The following PARD3B variants were observed in gnomAD, a reference collection of about 807,000 sequenced individuals.
PARD3B encodes partitioning defective 3 homolog B.
Under a neutral mutation model 130.2 loss-of-function variants are expected in PARD3B, and 103 were observed. The ratio of observed to expected loss-of-function variants is 0.79; its 90% CI spans 0.67 to 0.93. The LOEUF is 0.93. Among genes scored for constraint, PARD3B ranks in the 40% least tolerant of loss-of-function variants. PARD3B has a pLI of 0.00. For missense variants in PARD3B, 1,609 were observed against 1,499.2 expected (o/e 1.07, Z -1.21); for synonymous variants, 583 against 553.2 (o/e 1.05, Z -0.76).
At chr2:205,109,650 C>CTTTTTT (rs35545106) in intron 5 of PARD3B, among the ~76,000 whole-genome samples, 1 of 69,318 alleles carries the variant, frequency 1.4e-5, no homozygotes, top group Admixed American at 1.7e-4. Flanking sequence ...AATACCTAAT[C>CTTTTTT]TTTTTTTTTT....
intron 20 of PARD3B, among the ~76,000 whole-genome samples, chr2:205,466,513 A>C (rs2048627602): frequency 6.6e-6 from 1 of 152,192 alleles, no homozygotes; most frequent in African/African-American, 2.4e-5. Context: ...AATAAGCATG[A>C]ATTTGAATTT....
Position 205,616,029 on chromosome 2 carries a change from G to T in PARD3B, c.*216G>T. ...AAATCAGAAGGAAGACGAAAGATGG[G>T]GCTATAAAAACAAAACTACCTGATA... On this transcript the variant is annotated 3_prime_UTR_variant, in exon 23 of 23. Coordinates refer to ENST00000406610, the MANE Select transcript of PARD3B (RefSeq NM_001302769.2). 1.8e-6 allele frequency: 1 copy of T among 545,840 alleles called. No homozygotes were observed. The highest frequency in any genetic ancestry group is 1.9e-5 in the African/African-American group (1 of 52,746). 33.8% of individuals were successfully genotyped at this position (545,840 alleles called of 1,614,324 possible).
intron 2 of PARD3B, among the ~76,000 whole-genome samples, chr2:204,776,797 C>A (rs868518196): frequency 6.6e-6 from 1 of 151,826 alleles, no homozygotes; most frequent in African/African-American, 2.4e-5. Context: ...TCTTCTCTTA[C>A]CTCCACCTAA....
At chr2:204,893,523 G>T (rs755490952) in intron 2 of PARD3B, among the ~76,000 whole-genome samples, 9 of 152,104 alleles carry the variant, frequency 5.9e-5, no homozygotes, top group Non-Finnish European at 1.0e-4. Flanking sequence ...CTGTCCAAAA[G>T]AAATTGCATG....
chr2:204,584,199 T>C (rs2032717771), intron 1 of PARD3B, among the ~76,000 whole-genome samples: 1 of 152,108 alleles, frequency 6.6e-6, no homozygotes, highest in African/African-American at 2.4e-5. Context: ...GAGACTCCAA[T>C]GTGATGGGGA....
At chr2:205,243,806 GTAA>G (rs1318002478) in intron 15 of PARD3B, among the ~76,000 whole-genome samples, 2 of 152,148 alleles carry the variant, frequency 1.3e-5, no homozygotes, top group Non-Finnish European at 2.9e-5. Flanking sequence ...TATAAGGATA[GTAA>G]TAATAATACT....
At chr2:204,760,848 A>G (rs932722771) in intron 2 of PARD3B, among the ~76,000 whole-genome samples, 1 of 152,188 alleles carries the variant, frequency 6.6e-6, no homozygotes. Context: ...AGTACTTTCA[A>G]CATGGAATTG....
At chr2:204,589,103 T>C (rs2032963362) in intron 1 of PARD3B, among the ~76,000 whole-genome samples, 1 of 152,164 alleles carries the variant, frequency 6.6e-6, no homozygotes. Context: ...TGGTGGAGGC[T>C]TAGGACAGTA....
At chr2:205,156,308 T>A (rs575957200) in intron 10 of PARD3B, among the ~76,000 whole-genome samples, 198 of 150,776 alleles carry the variant, frequency 1.3e-3, no homozygotes, top group South Asian at 4.6e-3. Flanking sequence ...ATATACCTAA[T>A]GCTAAATGAC....
chr2:204,977,683 G>A (rs374630700), intron 3 of PARD3B, among the ~76,000 whole-genome samples: 1 of 151,960 alleles, frequency 6.6e-6, no homozygotes, highest in Non-Finnish European at 1.5e-5. Context: ...ATGGTGGCGG[G>A]CGCCTGTAGT....
At chr2:205,304,256 T>C (rs977639761) in intron 18 of PARD3B, among the ~76,000 whole-genome samples, 150 of 152,316 alleles carry the variant, frequency 9.8e-4, no homozygotes, top group African/African-American at 3.2e-3. Context: ...GGATGTGTTA[T>C]GACAAGACTT....
chr2:204,825,005 T>C (rs1189036269), intron 2 of PARD3B, among the ~76,000 whole-genome samples: 1 of 152,090 alleles, frequency 6.6e-6, no homozygotes, highest in African/African-American at 2.4e-5. Flanking sequence ...TCTAATTTGA[T>C]TGGTTTAGGG....
chr2:205,133,147 G>A (rs925413547), intron 10 of PARD3B, among the ~76,000 whole-genome samples: 2 of 152,132 alleles, frequency 1.3e-5, no homozygotes, highest in African/African-American at 4.8e-5. Context: ...GGTTAGGATA[G>A]TTTTCCATGT....
chr2:205,294,888 G>A (rs919526245), intron 16 of PARD3B, among the ~76,000 whole-genome samples: 2 of 152,100 alleles, frequency 1.3e-5, no homozygotes, highest in Non-Finnish European at 2.9e-5. Flanking sequence ...TGATAAGCTT[G>A]GAATGATGAT....
intron 2 of PARD3B, among the ~76,000 whole-genome samples, chr2:204,749,117 A>G (rs2040361304): frequency 6.6e-6 from 1 of 152,142 alleles, no homozygotes; most frequent in Non-Finnish European, 1.5e-5. Flanking sequence ...TGATCTGTTA[A>G]TTATCTCAAG....
At chr2:205,486,301 C>A (rs2049440080) in intron 20 of PARD3B, among the ~76,000 whole-genome samples, 1 of 152,104 alleles carries the variant, frequency 6.6e-6, no homozygotes, top group Non-Finnish European at 1.5e-5. Context: ...TTCTGTACAC[C>A]CCTAATGTTG....
At chr2:204,879,548 T>C (rs2045961590) in intron 2 of PARD3B, among the ~76,000 whole-genome samples, 1 of 152,176 alleles carries the variant, frequency 6.6e-6, no homozygotes, top group Admixed American at 6.5e-5. Flanking sequence ...GCTTAGATTA[T>C]ATGGCAATGC....
chr2:205,501,472 C>G (rs1473274056), intron 21 of PARD3B, among the ~76,000 whole-genome samples: 2 of 152,140 alleles, frequency 1.3e-5, no homozygotes. Context: ...CACTCAGTTT[C>G]AAACTTGATC....
intron 21 of PARD3B, among the ~76,000 whole-genome samples, chr2:205,501,998 T>C (rs1215739045): frequency 6.6e-6 from 1 of 152,144 alleles, no homozygotes; most frequent in Non-Finnish European, 1.5e-5. Context: ...GGTCTGAGGC[T>C]TCCCAAAGGG....
Sources: allele counts gnomAD v4.1 joint callset (sites outside exome capture counted in the v4.1 genomes callset), GRCh38; gene constraint gnomAD v4.1.1; transcripts MANE v1.5; gene names NCBI Gene and HGNC (gene_info 2026-07-23, HGNC 2026-07-21).